The following SNX9 variants were observed in gnomAD, a reference collection of about 807,000 sequenced individuals.
The protein encoded by SNX9 is sorting nexin 9.
Under a neutral mutation model 89.4 loss-of-function variants are expected in SNX9, and 44 were observed. The ratio of observed to expected loss-of-function variants is 0.49; its 90% CI spans 0.39 to 0.63. The LOEUF is 0.63. Ranked by LOEUF, SNX9 falls within the 30% of genes least tolerant of loss-of-function variation. The pLI is 0.00. For synonymous variants in SNX9, 236 were observed against 247.8 expected (o/e 0.95, Z 0.45); for missense variants, 578 against 736.1 (o/e 0.79, Z 2.49).
At chr6:157,843,541 G>A (rs182000133) in intron 1 of SNX9, among the ~76,000 whole-genome samples, 6 of 152,300 alleles carry the variant, frequency 3.9e-5, no homozygotes, top group Admixed American at 3.3e-4. Flanking sequence ...AGTAGGTGGA[G>A]GAAAAGGAGG....
chr6:157,847,772 G>A (rs900321966), intron 1 of SNX9, among the ~76,000 whole-genome samples: 2 of 152,086 alleles, frequency 1.3e-5, no homozygotes, highest in Admixed American at 1.3e-4. Context: ...TTTACTTGTC[G>A]GTTGTGTAAA....
chr6:157,916,679 G>A (rs988586025), intron 9 of SNX9, among the ~76,000 whole-genome samples: 2 of 152,180 alleles, frequency 1.3e-5, no homozygotes, highest in African/African-American at 2.4e-5. Context: ...TGTACTCATC[G>A]AGTGATTGTA....
intron 13 of SNX9, among the ~76,000 whole-genome samples, chr6:157,935,425 G>T (rs138859861): frequency 6.6e-6 from 1 of 152,160 alleles, no homozygotes; most frequent in Non-Finnish European, 1.5e-5. Flanking sequence ...CACAGGGACA[G>T]GGGAGTGTGT....
intron 1 of SNX9, among the ~76,000 whole-genome samples, chr6:157,865,432 C>T (rs1442984921): frequency 6.6e-6 from 1 of 150,710 alleles, no homozygotes; most frequent in Admixed American, 6.6e-5. Flanking sequence ...AGCATGGCTG[C>T]TTTGTTCTTC....
intron 3 of SNX9, 133 bp downstream of exon 3, chr6:157,873,309 A>G (rs1782453223): frequency 4.0e-6 from 2 of 500,574 alleles, no homozygotes; most frequent in Non-Finnish European, 6.6e-6. Context: ...AATGTTAACT[A>G]TATAAAATAT....
At chr6:157,915,640 A>ATATATATATATATAT (rs1554296799) in intron 9 of SNX9, among the ~76,000 whole-genome samples, 3 of 95,152 alleles carry the variant, frequency 3.2e-5, no homozygotes, top group African/African-American at 1.4e-4. Flanking sequence ...AAAAAAAAAA[A>ATATATATATATATAT]ATATATATAT....
At chr6:157,906,261 T>G (rs754556877) in intron 7 of SNX9, 49 bp downstream of exon 7, 32 of 1,421,768 alleles carry the variant, frequency 2.3e-5, no homozygotes, top group African/African-American at 4.4e-5. Flanking sequence ...AGCTCTTTCT[T>G]ATACCGTACT....
rs9355424 is a variant in SNX9, at chr6:157,873,152, G to C, written c.150G>C (p.Gly50=). The change falls in exon 3 of 18, where the codon GGG becomes GGC. Residue 50 remains glycine, a synonymous_variant. Coordinates refer to ENST00000392185, the MANE Select transcript of SNX9 (RefSeq NM_016224.5). ...LEGRNIKGER[G]LVPTDYVEIL... The stretch of plus-strand genomic sequence containing the variant: ...GAAGAAACATCAAAGGAGAACGAGG[G>C]CTGGTTCCCACAGACTACGTTGAAG... 0.057 allele frequency: 90,826 copies of C among 1,600,126 alleles called. 2,832 individuals carry two copies. The highest frequency in any genetic ancestry group is 0.11 in the East Asian group (4,766 of 44,630).
chr6:157,905,999 C>T, intron 6 of SNX9, 129 bp from the exon 7 acceptor site: 1 of 657,606 alleles, frequency 1.5e-6, no homozygotes, highest in Non-Finnish European at 2.5e-6. Flanking sequence ...TTTCATTTAC[C>T]ACAGTTTCCA....
At chr6:157,886,878 T>C (rs1464383144) in intron 4 of SNX9, among the ~76,000 whole-genome samples, 1 of 152,216 alleles carries the variant, frequency 6.6e-6, no homozygotes, top group Non-Finnish European at 1.5e-5. Context: ...TTTTTTTCTT[T>C]GTGCTTAAAG....
rs377381059 is a variant in SNX9 at position 157,915,656 on chromosome 6, T to C, written c.949+5631T>C. Reference sequence around the variant, plus strand: ...AAAAAAAAAAATATATATATATATATACACACACACACACAAAAATTAGCC... The same window carrying C: ...AAAAAAAAAAATATATATATATATACACACACACACACACAAAAATTAGCC... On this transcript the variant is annotated intron_variant, in intron 9 of 17. Coordinates refer to ENST00000392185, the MANE Select transcript of SNX9 (RefSeq NM_016224.5). 2.8e-4 allele frequency among the ~76,000 whole-genome samples: 34 copies of C among 120,134 alleles called. 1 individual carries two copies. Among genetic ancestry groups the C allele is most frequent in the Middle Eastern group, 4.2e-3 (1 of 238 alleles). The allele number at this position is 120,134 out of a possible 152,430, so 78.8% of individuals were successfully genotyped here.
In SNX9 at chr6:157,908,783, G is replaced by A. The variant is rs931812676; in HGVS notation, c.706-882G>A. ...CTACACCCCCACATAGAATTTAGCT[G>A]GTTTCCCTTCCTCACCTCCCACCAC... is the stretch of plus-strand genomic sequence containing the variant. On this transcript the variant is annotated intron_variant, in intron 7 of 17. Coordinates refer to ENST00000392185, the MANE Select transcript of SNX9 (RefSeq NM_016224.5). Among the ~76,000 whole-genome samples, 12 of 152,278 alleles carry A rather than the reference G, an allele frequency of 7.9e-5. 1 individual carries two copies. In the South Asian group the frequency reaches 1.5e-3, roughly 18 times the overall value.
chr6:157,891,639 G>A (rs1214955803), intron 4 of SNX9, among the ~76,000 whole-genome samples: 3 of 152,190 alleles, frequency 2.0e-5, no homozygotes, highest in South Asian at 2.1e-4. Context: ...AACATTCTCC[G>A]GGTAAGACAG....
chr6:157,914,855 T>G (rs906743415), intron 9 of SNX9, among the ~76,000 whole-genome samples: 8 of 152,206 alleles, frequency 5.3e-5, no homozygotes, highest in African/African-American at 1.9e-4. Flanking sequence ...GTTTTTTCTT[T>G]CATGGACTGT....
chr6:157,922,691 T>A (rs988379304), intron 10 of SNX9, among the ~76,000 whole-genome samples: 1 of 152,228 alleles, frequency 6.6e-6, no homozygotes, highest in African/African-American at 2.4e-5. Context: ...TGATATGTTA[T>A]ATGTCACCAG....
At chr6:157,844,587 G>GTTTTTTTTGTT in intron 1 of SNX9, among the ~76,000 whole-genome samples, 1 of 130,304 alleles carries the variant, frequency 7.7e-6, no homozygotes, top group Middle Eastern at 3.9e-3. Context: ...GCTAATCCTT[G>GTTTTTTTTGTT]TTTTTTTTTT....
At chr6:157,891,862 A>G (rs1266182653) in intron 4 of SNX9, among the ~76,000 whole-genome samples, 1 of 152,126 alleles carries the variant, frequency 6.6e-6, no homozygotes, top group East Asian at 1.9e-4. Flanking sequence ...AGTTTGGGGA[A>G]ATGTGTGAAG....
intron 4 of SNX9, among the ~76,000 whole-genome samples, chr6:157,887,416 CA>C (rs1417181547): frequency 1.3e-5 from 2 of 152,152 alleles, no homozygotes; most frequent in African/African-American, 4.8e-5. Flanking sequence ...ATGGGCTGAT[CA>C]GTGCAGATCT....
intron 1 of SNX9, among the ~76,000 whole-genome samples, chr6:157,866,866 A>G (rs1297832337): frequency 6.6e-6 from 1 of 152,220 alleles, no homozygotes. Flanking sequence ...TGTTCCCAGA[A>G]TGAACAGTTT....
Sources: gnomAD v4.1 joint callset for allele counts (sites outside exome capture counted in the v4.1 genomes callset) on GRCh38, gnomAD v4.1.1 for gene constraint, MANE v1.5 for transcripts, NCBI Gene and HGNC (gene_info 2026-07-23, HGNC 2026-07-21) for gene names.